IFNGR2: variants seen among roughly 807,000 people sequenced by gnomAD.
The protein encoded by IFNGR2 is interferon gamma receptor 2.
Under a neutral mutation model 41.1 loss-of-function variants are expected in IFNGR2, and 15 were observed. The ratio of observed to expected loss-of-function variants is 0.37; its 90% confidence interval spans 0.24 to 0.56. IFNGR2 has a LOEUF of 0.56. IFNGR2 is among the 20% of genes least tolerant of loss of function. IFNGR2 has a pLI of 0.81. For synonymous variants in IFNGR2, 161 were observed against 171.6 expected, an observed-to-expected ratio of 0.94 and a Z score of 0.48; for missense variants, 362 against 415.7, an observed-to-expected ratio of 0.87 and a Z score of 1.12.
Position 33,403,622 on chromosome 21 carries a change from C to A in IFNGR2, c.73+6C>A. ...CGCCGCCGCGGCCCCGCCAGGTGAG[C>A]CGGGCCTGGGCCTCCGCGGCGGGAC... On this transcript the variant is annotated splice_donor_region_variant and intron_variant, in intron 1 of 6. Coordinates refer to ENST00000290219, the MANE Select transcript of IFNGR2 (RefSeq NM_005534.4). 1 of 1,351,580 alleles carries A rather than the reference C, an allele frequency of 7.4e-7. No homozygotes were observed. Among genetic ancestry groups the A allele is most frequent in the South Asian group, 1.7e-5 (1 of 58,424 alleles). The allele number at this position is 1,351,580 out of a possible 1,614,324, so 83.7% of individuals were successfully genotyped here. A position where few individuals can be genotyped will look rare whatever the true frequency, so the allele number is the denominator to read the frequency against.
intron 2 of IFNGR2, 107 bp downstream of exon 2, chr21:33,415,127 C>G: frequency 7.4e-7 from 1 of 1,352,116 alleles, no homozygotes; most frequent in Non-Finnish European, 1.1e-6. Flanking sequence ...TGTTATCAAA[C>G]CCGTGGGAAA....
chr21:33,431,568 CA>C (rs565277488), intron 4 of IFNGR2, among the ~76,000 whole-genome samples: 27 of 143,470 alleles, frequency 1.9e-4, no homozygotes, highest in Admixed American at 2.8e-4. Flanking sequence ...AACTCCATCT[CA>C]AAAAAAAAAA....
intron 6 of IFNGR2, 93 bp downstream of exon 6, chr21:33,432,964 C>T: frequency 9.6e-7 from 1 of 1,038,510 alleles, no homozygotes; most frequent in Non-Finnish European, 1.4e-6. Context: ...CTGCTCACTG[C>T]AGCCTCCATC....
chr21:33,432,848 A>G lies in IFNGR2; in HGVS notation c.856A>G (p.Ser286Gly). 6.2e-7 allele frequency: 1 copy of G among 1,613,170 alleles called. No individual in the cohort carries two copies. The highest frequency in any genetic ancestry group is 8.5e-7 in the Non-Finnish European group (1 of 1,179,824). The stretch of plus-strand genomic sequence containing the variant: ...TAAATACTGGTTTCACACTCCACCA[A>G]GCATCCCATTACAGATAGAAGAGGT... ...LIKYWFHTPP[S>G]IPLQIEEYLK... is the part of the protein sequence containing the mutation. The change falls in exon 6 of 7, where the codon AGC (serine) becomes GGC (glycine). Residue 286 changes from serine (S) to glycine (G), a missense_variant. Coordinates refer to ENST00000290219, the MANE Select transcript of IFNGR2 (RefSeq NM_005534.4).
chr21:33,413,669 C>T (rs1448129864), intron 1 of IFNGR2, among the ~76,000 whole-genome samples: 1 of 151,598 alleles, frequency 6.6e-6, no homozygotes, highest in Non-Finnish European at 1.5e-5. Flanking sequence ...GGAGTTGTGG[C>T]AGTTTCTTCT....
At chr21:33,433,884 T>C (rs2083916486) in intron 6 of IFNGR2, among the ~76,000 whole-genome samples, 1 of 152,106 alleles carries the variant, frequency 6.6e-6, no homozygotes, top group Non-Finnish European at 1.5e-5. Flanking sequence ...AGGTCTCCTC[T>C]GCTGTCTGGA....
At chr21:33,406,311 G>A (rs1310187065) in intron 1 of IFNGR2, among the ~76,000 whole-genome samples, 1 of 151,836 alleles carries the variant, frequency 6.6e-6, no homozygotes, top group Admixed American at 6.6e-5. Flanking sequence ...GGGAGGGGAG[G>A]TTGCAGTGAG....
chr21:33,431,310 C>T (rs2083884632), intron 4 of IFNGR2, among the ~76,000 whole-genome samples: 1 of 152,180 alleles, frequency 6.6e-6, no homozygotes, highest in South Asian at 2.1e-4. Context: ...TGGCTCACGC[C>T]TATAATCCCA....
chr21:33,404,891 G>A (rs2083666280), intron 1 of IFNGR2, among the ~76,000 whole-genome samples: 1 of 152,154 alleles, frequency 6.6e-6, no homozygotes, highest in Non-Finnish European at 1.5e-5. Context: ...ACTTTGGGAG[G>A]CTGAGGCAGC....
chr21:33,427,762 G>A (rs2083850814), intron 4 of IFNGR2, among the ~76,000 whole-genome samples: 1 of 150,122 alleles, frequency 6.7e-6, no homozygotes, highest in South Asian at 2.1e-4. Context: ...GATGGTTTTT[G>A]ATAATAAGAG....
At chr21:33,410,759 C>A in intron 1 of IFNGR2, 1 of 997,298 alleles carries the variant, frequency 1.0e-6, no homozygotes, top group Non-Finnish European at 1.6e-6. Context: ...TGAGCCACCA[C>A]GCCCATCCAA....
intron 3 of IFNGR2, among the ~76,000 whole-genome samples, chr21:33,422,696 G>A (rs535675767): frequency 6.6e-6 from 1 of 151,868 alleles, no homozygotes; most frequent in Non-Finnish European, 1.5e-5. Flanking sequence ...GGCCAACATG[G>A]TGAAACCCCA....
chr21:33,437,037 C>A lies in IFNGR2; in HGVS notation c.*75C>A. 6.7e-7 allele frequency: 1 copy of A among 1,500,014 alleles called. No individual in the cohort carries two copies. Among genetic ancestry groups the A allele is most frequent in the Non-Finnish European group, 9.3e-7 (1 of 1,079,948 alleles). 92.9% of individuals were successfully genotyped at this position (1,500,014 alleles called of 1,614,324 possible). A position where few individuals can be genotyped will look rare whatever the true frequency, so the allele number is the denominator to read the frequency against. On this transcript the variant is annotated 3_prime_UTR_variant, in exon 7 of 7. Coordinates refer to ENST00000290219, the MANE Select transcript of IFNGR2 (RefSeq NM_005534.4). ...CGGAGCTGCTAGAGTTCTGTCTGGA[C>A]TTTCCAGAGACCAGTATTCCCTTTT...
intron 4 of IFNGR2, among the ~76,000 whole-genome samples, chr21:33,431,645 C>T (rs2083888958): frequency 6.6e-6 from 1 of 152,226 alleles, no homozygotes. Context: ...AATCTCAGCT[C>T]ACTGCACCCT....
chr21:33,424,415 C>T (rs947167776), intron 3 of IFNGR2, among the ~76,000 whole-genome samples: 4 of 152,174 alleles, frequency 2.6e-5, no homozygotes, highest in Non-Finnish European at 5.9e-5. Context: ...CGCTTCCGGC[C>T]GGAGTCAAGC....
rs929334465 is a variant in IFNGR2, at chr21:33,411,032, C to A, written c.74-3856C>A. The A allele has an allele frequency of 3.6e-5, 24 of 675,382 alleles. No homozygotes were observed. The African/African-American group carries it at 4.1e-4, about 12-fold the overall frequency. The allele number at this position is 675,382 out of a possible 1,614,324, so 41.8% of individuals were successfully genotyped here. A position where few individuals can be genotyped will look rare whatever the true frequency, so the allele number is the denominator to read the frequency against. ...ACACAGAGGCTGGGCTGCCCAAGGA[C>A]AGGCCCCCTGGCCTACAAAAAGGAC... On this transcript the variant is annotated intron_variant, in intron 1 of 6. Coordinates refer to ENST00000290219, the MANE Select transcript of IFNGR2 (RefSeq NM_005534.4).
At position 33,416,597 on chromosome 21, in the gene IFNGR2, C is replaced by T. The variant is rs967482467; in HGVS notation, c.206+1577C>T. 5.3e-5 allele frequency among the ~76,000 whole-genome samples: 8 copies of T among 152,098 alleles called. No homozygotes were observed. The South Asian group carries it at 8.3e-4, about 16-fold the overall frequency. ...CAGCACTTTGGGAGGCCAAGACGGGCGGATCACGCGGTGAGGAGATCGAGA... is the reference window on the plus strand; with the variant it reads ...CAGCACTTTGGGAGGCCAAGACGGGTGGATCACGCGGTGAGGAGATCGAGA... On this transcript the variant is annotated intron_variant, in intron 2 of 6. Coordinates refer to ENST00000290219, the MANE Select transcript of IFNGR2 (RefSeq NM_005534.4).
At chr21:33,428,642 T>C (rs114393540) in intron 4 of IFNGR2, among the ~76,000 whole-genome samples, 120 of 152,304 alleles carry the variant, frequency 7.9e-4, no homozygotes, top group African/African-American at 2.8e-3. Flanking sequence ...GCTCAAGATC[T>C]GGGTCGATTA....
At chr21:33,410,507 C>T (rs1197364383) in intron 1 of IFNGR2, among the ~76,000 whole-genome samples, 2 of 149,636 alleles carry the variant, frequency 1.3e-5, no homozygotes, top group East Asian at 2.0e-4. Flanking sequence ...TCGCTCTTGT[C>T]GCCCAAGCTG....
Sources: allele counts gnomAD v4.1 joint callset (sites outside exome capture counted in the v4.1 genomes callset), GRCh38; gene constraint gnomAD v4.1.1; transcripts MANE v1.5; gene names NCBI Gene and HGNC (gene_info 2026-07-23, HGNC 2026-07-21).